Variants in CDH4 observed in about 807,000 individuals in gnomAD.
CDH4 encodes cadherin 4.
A neutral mutation model predicts 86.0 loss-of-function variants in CDH4; 33 were observed. That is an observed-to-expected ratio of 0.38 (90% CI 0.29 to 0.51). CDH4 has a LOEUF of 0.51. Ranked by LOEUF, CDH4 falls within the 20% of genes least tolerant of loss-of-function variation. CDH4 has a pLI of 0.86. For missense variants in CDH4, 1,114 were observed against 1,307.4 expected (o/e 0.85, Z 2.28); for synonymous variants, 555 against 549.4 (o/e 1.01, Z -0.14).
At chr20:61,307,192 G>A (rs1391825719) in intron 2 of CDH4, among the ~76,000 whole-genome samples, 1 of 152,232 alleles carries the variant, frequency 6.6e-6, no homozygotes, top group African/African-American at 2.4e-5. Context: ...GGATGCAAAG[G>A]CGGATCTGCA....
chr20:61,463,738 C>G (rs944767914), intron 2 of CDH4, among the ~76,000 whole-genome samples: 3 of 152,178 alleles, frequency 2.0e-5, no homozygotes, highest in African/African-American at 7.2e-5. Flanking sequence ...ATTCAAGACT[C>G]TTGCAACAGG....
chr20:61,297,935 G>A (rs762150206), intron 2 of CDH4, among the ~76,000 whole-genome samples: 45 of 152,334 alleles, frequency 3.0e-4, no homozygotes, highest in Middle Eastern at 3.4e-3. Flanking sequence ...AGGTATCTGC[G>A]CCACCGCAAA....
At chr20:61,391,904 A>AT (rs1425332435) in intron 2 of CDH4, among the ~76,000 whole-genome samples, 2 of 151,584 alleles carry the variant, frequency 1.3e-5, no homozygotes, top group Non-Finnish European at 2.9e-5. Flanking sequence ...GGGCTCTGGG[A>AT]TTTTTTTCTG....
chr20:61,347,861 A>C (rs1294347475), intron 2 of CDH4, among the ~76,000 whole-genome samples: 2 of 152,138 alleles, frequency 1.3e-5, no homozygotes, highest in Non-Finnish European at 2.9e-5. Flanking sequence ...TGGCGTTTGA[A>C]CCGTGCCTGG....
chr20:61,641,240 A>C (rs2087005625), intron 2 of CDH4, among the ~76,000 whole-genome samples: 1 of 152,134 alleles, frequency 6.6e-6, no homozygotes. Flanking sequence ...GGGAGTTTTC[A>C]GCCCTTTCCC....
chr20:61,763,397 T>C (rs565201534), intron 3 of CDH4, among the ~76,000 whole-genome samples: 97 of 152,274 alleles, frequency 6.4e-4, no homozygotes, highest in Non-Finnish European at 1.2e-3. Context: ...TCTCAGCCCA[T>C]CTATTCAAGA....
rs1046350105 is a variant in CDH4 at position 61,687,158 on chromosome 20, C to G, written c.170-56405C>G. ...CACTGAAGTGCGTGTTCGGTGTCCACTGAAGCAACCACACCCTTTCCAGAA... is the reference window on the plus strand; with the variant it reads ...CACTGAAGTGCGTGTTCGGTGTCCAGTGAAGCAACCACACCCTTTCCAGAA... On this transcript the variant is annotated intron_variant, in intron 2 of 15. Transcript: ENST00000614565. 6.6e-5 allele frequency among the ~76,000 whole-genome samples: 10 copies of G among 152,358 alleles called. No homozygotes were observed. The East Asian group carries it at 1.9e-3, about 29-fold the overall frequency.
chr20:61,840,893 G>C (rs60877231), intron 4 of CDH4, among the ~76,000 whole-genome samples: 1 of 152,250 alleles, frequency 6.6e-6, no homozygotes, highest in Non-Finnish European at 1.5e-5. Context: ...GCGGCCAAAC[G>C]GGCCTGGAGA....
intron 3 of CDH4, among the ~76,000 whole-genome samples, chr20:61,767,503 C>T (rs901806355): frequency 2.0e-5 from 3 of 152,150 alleles, no homozygotes; most frequent in Admixed American, 6.5e-5. Flanking sequence ...GAGGATGAGG[C>T]GCCCAGGCAG....
At chr20:61,702,662 T>TA (rs1287212685) in intron 2 of CDH4, among the ~76,000 whole-genome samples, 6 of 152,216 alleles carry the variant, frequency 3.9e-5, no homozygotes, top group Non-Finnish European at 7.3e-5. Context: ...GTATGCATCT[T>TA]AAAATCACAA....
At chr20:61,796,276 C>A (rs1979532977) in intron 4 of CDH4, among the ~76,000 whole-genome samples, 1 of 152,186 alleles carries the variant, frequency 6.6e-6, no homozygotes, top group African/African-American at 2.4e-5. Flanking sequence ...AGAGCAGGAC[C>A]CTGACCCATC....
chr20:61,605,499 A>G (rs2427178), intron 2 of CDH4, among the ~76,000 whole-genome samples: 145,467 of 151,304 alleles, frequency 0.96, 69,847 homozygotes, highest in African/African-American at 0.98. Flanking sequence ...CTCTCCCCCC[A>G]TGTCTCTCCC....
intron 2 of CDH4, among the ~76,000 whole-genome samples, chr20:61,716,711 CCAG>C (rs1369782099): frequency 6.6e-6 from 1 of 152,132 alleles, no homozygotes; most frequent in Non-Finnish European, 1.5e-5. Context: ...GAGTTTGAGA[CCAG>C]CCTGGCCAAC....
intron 2 of CDH4, among the ~76,000 whole-genome samples, chr20:61,553,791 G>A (rs1335931477): frequency 6.6e-6 from 1 of 152,170 alleles, no homozygotes; most frequent in African/African-American, 2.4e-5. Flanking sequence ...TGTCCCATGA[G>A]GTTCCCAAAG....
intron 2 of CDH4, among the ~76,000 whole-genome samples, chr20:61,563,290 A>G (rs1277779551): frequency 3.9e-5 from 6 of 152,338 alleles, no homozygotes; most frequent in Admixed American, 2.0e-4. Flanking sequence ...GGCACTCACC[A>G]TGTTAGCAAT....
intron 2 of CDH4, among the ~76,000 whole-genome samples, chr20:61,549,170 T>C (rs2145670194): frequency 6.6e-6 from 1 of 152,342 alleles, no homozygotes; most frequent in Middle Eastern, 3.4e-3. Context: ...AGAAGTCCTT[T>C]TCCTGCAGTC....
At chr20:61,680,013 G>A (rs2087492942) in intron 2 of CDH4, among the ~76,000 whole-genome samples, 1 of 152,192 alleles carries the variant, frequency 6.6e-6, no homozygotes, top group South Asian at 2.1e-4. Flanking sequence ...CCAGGAAGCT[G>A]AGGAGCCTGT....
intron 2 of CDH4, among the ~76,000 whole-genome samples, chr20:61,647,992 C>A (rs1397183715): frequency 1.3e-5 from 2 of 152,128 alleles, no homozygotes; most frequent in Non-Finnish European, 2.9e-5. Context: ...CGGCAGGAAC[C>A]CTGACTGCTG....
At chr20:61,805,681 C>T (rs1481416500) in intron 4 of CDH4, among the ~76,000 whole-genome samples, 1 of 152,206 alleles carries the variant, frequency 6.6e-6, no homozygotes, top group East Asian at 1.9e-4. Flanking sequence ...ATGTTTAAAA[C>T]TCCCACGAGG....
Sources: gnomAD v4.1 joint callset for allele counts (sites outside exome capture counted in the v4.1 genomes callset) on GRCh38, gnomAD v4.1.1 for gene constraint, MANE v1.5 for transcripts, NCBI Gene and HGNC (gene_info 2026-07-23, HGNC 2026-07-21) for gene names.